Variants in MAOB observed in about 807,000 individuals in gnomAD.
The protein encoded by MAOB is amine oxidase [flavin-containing] B.
Under a neutral mutation model 41.9 loss-of-function variants are expected in MAOB, and 15 were observed. That is an observed-to-expected ratio of 0.36 (90% CI 0.24 to 0.55). MAOB has a LOEUF of 0.55. Among genes scored for constraint, MAOB ranks in the 20% least tolerant of loss-of-function variants. MAOB has a pLI of 0.86. For missense variants in MAOB, 345 were observed against 398.7 expected (o/e 0.87, Z 1.15); for synonymous variants, 167 against 144.2 (o/e 1.16, Z -1.13).
intron 11 of MAOB, among the ~76,000 whole-genome samples, chrX:43,777,891 T>C (rs2034279189): frequency 8.9e-6 from 1 of 112,029 alleles, no homozygotes; most frequent in Non-Finnish European, 1.9e-5. Context: ...AGCAGTCTGA[T>C]GAATGTCATG....
chrX:43,789,574 G>A (rs967862821), intron 8 of MAOB, among the ~76,000 whole-genome samples: 2 of 111,960 alleles, frequency 1.8e-5, no homozygotes, highest in Non-Finnish European at 3.8e-5. Context: ...CCACAGAAGT[G>A]GGCTAGAATG....
At chrX:43,792,126 G>A (rs2034471530) in intron 8 of MAOB, among the ~76,000 whole-genome samples, 1 of 112,213 alleles carries the variant, frequency 8.9e-6, no homozygotes, top group Non-Finnish European at 1.9e-5. Context: ...GATTTTGGGG[G>A]AGGATTAAAT....
chrX:43,806,048 T>C (rs2034658341), intron 3 of MAOB, among the ~76,000 whole-genome samples: 1 of 112,764 alleles, frequency 8.9e-6, no homozygotes, highest in Non-Finnish European at 1.9e-5. Flanking sequence ...AATATTTGTT[T>C]TATAAAAAAG....
At chrX:43,847,969 A>T (rs2035220491) in intron 1 of MAOB, among the ~76,000 whole-genome samples, 1 of 112,670 alleles carries the variant, frequency 8.9e-6, no homozygotes. Flanking sequence ...AAAATATTGC[A>T]TCTCTCTTCT....
At chrX:43,809,003 T>C (rs986465598) in intron 3 of MAOB, among the ~76,000 whole-genome samples, 2 of 111,114 alleles carry the variant, frequency 1.8e-5, no homozygotes, top group Non-Finnish European at 3.8e-5. Context: ...TATCCTTCTA[T>C]ATTAACCTCC....
At chrX:43,783,719 G>C (rs910029411) in intron 8 of MAOB, among the ~76,000 whole-genome samples, 1 of 111,877 alleles carries the variant, frequency 8.9e-6, no homozygotes, top group African/African-American at 3.3e-5. Flanking sequence ...GGCTGCTGAA[G>C]GTTGGTGTGG....
intron 8 of MAOB, among the ~76,000 whole-genome samples, chrX:43,786,334 G>A (rs2034398071): frequency 8.9e-6 from 1 of 111,806 alleles, no homozygotes; most frequent in African/African-American, 3.3e-5. Context: ...AAGGAAGAAA[G>A]AACAGAGAAA....
chrX:43,783,821 C>T (rs775594439), intron 8 of MAOB, among the ~76,000 whole-genome samples: 55 of 112,149 alleles, frequency 4.9e-4, no homozygotes, highest in South Asian at 3.4e-3. Context: ...GGCTGCGATG[C>T]TGTTTGATAG....
chrX:43,854,546 C>T (rs868619162), intron 1 of MAOB, among the ~76,000 whole-genome samples: 20 of 111,301 alleles, frequency 1.8e-4, no homozygotes, highest in African/African-American at 6.2e-4. Context: ...AGCTTCAGGA[C>T]AAATATCTAA....
Position 43,787,413 on chromosome X carries a change from A to G in MAOB, c.929-5869T>C, listed in dbSNP as rs943968160. ...ATAATATATAACATATTATAAACATATCATAAAGCTACAGATATTAAAACA... is the reference window on the plus strand; with the variant it reads ...ATAATATATAACATATTATAAACATGTCATAAAGCTACAGATATTAAAACA... On this transcript the variant is annotated intron_variant, in intron 8 of 14. Coordinates refer to ENST00000378069, the MANE Select transcript of MAOB (RefSeq NM_000898.5). Among the ~76,000 whole-genome samples the G allele has an allele frequency of 6.3e-5, 7 of 111,928 alleles. No individual in the cohort carries two copies. In the Admixed American group the frequency reaches 6.6e-4, roughly 11 times the overall value.
chrX:43,859,414 T>C lies in MAOB; in HGVS notation c.47-15650A>G, dbSNP rs768465917. On this transcript the variant is annotated intron_variant, in intron 1 of 14. Coordinates refer to ENST00000378069, the MANE Select transcript of MAOB (RefSeq NM_000898.5). ...TGAATCATATTTTTGAGCAATAGTT[T>C]TTAATTTTCCATTGTACAAAATGGC... 1.2e-4 allele frequency among the ~76,000 whole-genome samples: 13 copies of C among 111,970 alleles called. 1 individual carries two copies. The highest frequency in any genetic ancestry group is 1.9e-4 in the Non-Finnish European group (10 of 53,195).
intron 12 of MAOB, among the ~76,000 whole-genome samples, chrX:43,772,301 G>A (rs1055239995): frequency 9.0e-6 from 1 of 111,469 alleles, no homozygotes; most frequent in East Asian, 2.8e-4. Flanking sequence ...CCCTGGGAAG[G>A]AATAAAGATA....
intron 1 of MAOB, among the ~76,000 whole-genome samples, chrX:43,855,022 G>A (rs944011190): frequency 1.6e-4 from 18 of 109,950 alleles, no homozygotes; most frequent in East Asian, 5.7e-4. Context: ...GTTTTGGCAC[G>A]CCCAGGCACA....
chrX:43,778,925 C>T (rs186658113), intron 10 of MAOB, among the ~76,000 whole-genome samples, 186 bp from the exon 11 acceptor site: 1 of 111,729 alleles, frequency 9.0e-6, no homozygotes, highest in East Asian at 2.8e-4. Context: ...TCTTTGAGGT[C>T]ACAAATATTA....
intron 5 of MAOB, among the ~76,000 whole-genome samples, chrX:43,797,840 C>G (rs2034546887): frequency 8.9e-6 from 1 of 111,829 alleles, no homozygotes; most frequent in African/African-American, 3.3e-5. Context: ...TACCATGATG[C>G]TCTCTCTGAA....
At chrX:43,799,982 A>T (rs1170781034) in intron 5 of MAOB, among the ~76,000 whole-genome samples, 1 of 112,002 alleles carries the variant, frequency 8.9e-6, no homozygotes, top group East Asian at 2.8e-4. Context: ...AATAATCAAC[A>T]TTAGTCTTGG....
chrX:43,821,913 A>C (rs1462174830), intron 3 of MAOB, among the ~76,000 whole-genome samples: 3 of 112,032 alleles, frequency 2.7e-5, no homozygotes, highest in Non-Finnish European at 5.6e-5. Flanking sequence ...CACTTTACAA[A>C]CTAGGAATTG....
At chrX:43,785,736 T>A (rs1249876715) in intron 8 of MAOB, among the ~76,000 whole-genome samples, 1 of 111,747 alleles carries the variant, frequency 8.9e-6, no homozygotes, top group Non-Finnish European at 1.9e-5. Flanking sequence ...TACTGTTGTG[T>A]CCCAGGGAAC....
intron 1 of MAOB, among the ~76,000 whole-genome samples, chrX:43,871,906 C>T (rs1314201368): frequency 1.8e-5 from 2 of 110,805 alleles, no homozygotes; most frequent in Non-Finnish European, 3.8e-5. Context: ...AAATTAAACT[C>T]TATCACAGGA....
Sources: allele counts gnomAD v4.1 joint callset (sites outside exome capture counted in the v4.1 genomes callset), GRCh38; gene constraint gnomAD v4.1.1; transcripts MANE v1.5; gene names NCBI Gene and HGNC (gene_info 2026-07-23, HGNC 2026-07-21).